Variants in BCL7C observed in about 807,000 individuals in gnomAD.
BCL7C encodes the protein B-cell CLL/lymphoma 7 protein family member C.
A neutral mutation model predicts 26.2 loss-of-function variants in BCL7C; 8 were observed. The ratio of observed to expected loss-of-function variants is 0.30; its 90% CI spans 0.18 to 0.55. The LOEUF (loss-of-function observed/expected upper bound fraction) is 0.55, where lower values mean the gene tolerates loss of function less well. Among genes scored for constraint, BCL7C ranks in the 20% least tolerant of loss-of-function variants. The pLI is 0.93. For missense variants in BCL7C, 262 were observed against 298.5 expected (o/e 0.88, Z 0.90); for synonymous variants, 90 against 116.5 (o/e 0.77, Z 1.47).
At chr16:30,846,382 C>G (rs1439102248) in intron 5 of BCL7C, among the ~76,000 whole-genome samples, 2 of 151,480 alleles carry the variant, frequency 1.3e-5, no homozygotes, top group Non-Finnish European at 2.9e-5. Context: ...CCCACCAACA[C>G]GCCCGGCTAA....
chr16:30,851,124 A>C (rs2151363989), intron 5 of BCL7C: 1 of 253,518 alleles, frequency 3.9e-6, no homozygotes, highest in South Asian at 4.7e-5. Flanking sequence ...CATTTTCTGC[A>C]TCCTACTGGT....
chr16:30,872,237 C>A (rs1336125270), intron 5 of BCL7C, among the ~76,000 whole-genome samples: 2 of 152,008 alleles, frequency 1.3e-5, no homozygotes, highest in African/African-American at 4.8e-5. Context: ...ATGGTGAATA[C>A]CCTGCGGCTG....
At chr16:30,864,716 G>T (rs573330054) in intron 5 of BCL7C, among the ~76,000 whole-genome samples, 1 of 152,100 alleles carries the variant, frequency 6.6e-6, no homozygotes, top group Non-Finnish European at 1.5e-5. Context: ...TGACCTGCAC[G>T]TATACATCCA....
chr16:30,835,437 C>G (rs1309418558), intron 5 of BCL7C, among the ~76,000 whole-genome samples: 1 of 152,188 alleles, frequency 6.6e-6, no homozygotes, highest in East Asian at 1.9e-4. Context: ...CTGTTAAGCT[C>G]TAAGACGGAG....
At chr16:30,849,817 C>T (rs1402677238) in intron 5 of BCL7C, among the ~76,000 whole-genome samples, 2 of 150,520 alleles carry the variant, frequency 1.3e-5, no homozygotes, top group Non-Finnish European at 3.0e-5. Flanking sequence ...ATGAATGGTA[C>T]GATCGCAGCT....
chr16:30,836,767 G>A (rs957381437), intron 5 of BCL7C, among the ~76,000 whole-genome samples: 16 of 150,372 alleles, frequency 1.1e-4, no homozygotes, highest in Non-Finnish European at 1.9e-4. Flanking sequence ...TGAGCCACTC[G>A]CCTGGCCAAG....
intron 5 of BCL7C, among the ~76,000 whole-genome samples, chr16:30,866,030 C>A (rs118176746): frequency 6.6e-6 from 1 of 151,842 alleles, no homozygotes; most frequent in East Asian, 1.9e-4. Flanking sequence ...CCACCTCGCC[C>A]GGCCATATGG....
chr16:30,881,392 T>TCACACACA lies in BCL7C; in HGVS notation c.528+7460_528+7467dup, dbSNP rs72155482. Among the ~76,000 whole-genome samples the TCACACACA allele has an allele frequency of 0.019, 2,770 of 144,192 alleles. 156 individuals carry two copies. In the South Asian group the frequency reaches 0.22, roughly 11 times the overall value. The allele number at this position is 144,192 out of a possible 152,430, so 94.6% of individuals were successfully genotyped here. A position where few individuals can be genotyped will look rare whatever the true frequency, so the allele number is the denominator to read the frequency against. ...GCCTGGGTGACAGAGTGAGACTCCG[T>TCACACACA]CACACACACACACACACACACACAC... On this transcript the variant is annotated intron_variant, in intron 5 of 5. Transcript: ENST00000380317.
downstream of BCL7C, among the ~76,000 whole-genome samples, chr16:30,884,365 C>A (rs2055093356): frequency 6.6e-6 from 1 of 151,996 alleles, no homozygotes; most frequent in South Asian, 2.1e-4. Flanking sequence ...GGCAATAGGA[C>A]AAAACCTGCC....
chr16:30,892,689 G>C lies in BCL7C; in HGVS notation c.339C>G (p.Pro113=). 1.2e-6 allele frequency: 2 copies of C among 1,614,114 alleles called. No individual in the cohort carries two copies. The highest frequency in any genetic ancestry group is 1.7e-6 in the Non-Finnish European group (2 of 1,179,996). The part of the protein sequence containing the change: ...SEGSLQKGTE[P]SPGGTPQPSR... ...TGGGCTGGGGGGTGCCCCCAGGACT[G>C]GGCTCTGTGCCCTTTTGCAGGGAAC... The change falls in exon 4 of 6, where the codon CCC becomes CCG. Residue 113 remains proline, a synonymous_variant. Transcript: ENST00000215115.
chr16:30,888,982 C>G (rs1345896638), intron 4 of BCL7C, 37 bp from the exon 5 acceptor site: 1 of 1,591,690 alleles, frequency 6.3e-7, no homozygotes, highest in Non-Finnish European at 8.6e-7. Context: ...CCTGAACAGC[C>G]ACTCTGTGCC....
chr16:30,866,575 GAA>G (rs112768509), intron 5 of BCL7C, among the ~76,000 whole-genome samples: 2 of 84,034 alleles, frequency 2.4e-5, no homozygotes, highest in Non-Finnish European at 4.7e-5. Flanking sequence ...AGACTGTCTG[GAA>G]AAAAAAAAAA....
chr16:30,857,519 G>A (rs1393518304), intron 5 of BCL7C, among the ~76,000 whole-genome samples: 1 of 152,080 alleles, frequency 6.6e-6, no homozygotes, highest in African/African-American at 2.4e-5. Context: ...CCCCTCTAAT[G>A]GCTGCTAGGC....
intron 5 of BCL7C, among the ~76,000 whole-genome samples, chr16:30,860,756 T>C (rs1180253233): frequency 6.6e-6 from 1 of 152,092 alleles, no homozygotes; most frequent in Non-Finnish European, 1.5e-5. Context: ...AAATCTTTCC[T>C]CTTTCTCTCC....
intron 5 of BCL7C, among the ~76,000 whole-genome samples, chr16:30,871,296 C>T (rs1315845124): frequency 2.6e-5 from 4 of 152,168 alleles, no homozygotes; most frequent in African/African-American, 7.2e-5. Flanking sequence ...AGGGTACACA[C>T]TCTGAAGTCA....
At chr16:30,846,283 T>G (rs2054634966) in intron 5 of BCL7C, among the ~76,000 whole-genome samples, 1 of 150,534 alleles carries the variant, frequency 6.6e-6, no homozygotes, top group Non-Finnish European at 1.5e-5. Flanking sequence ...TGGAGTGCAG[T>G]GGCGCGATCT....
chr16:30,891,606 C>A (rs1317875595), intron 4 of BCL7C, among the ~76,000 whole-genome samples: 1 of 152,100 alleles, frequency 6.6e-6, no homozygotes, highest in East Asian at 1.9e-4. Context: ...TATTTATTCA[C>A]TCAACAGATA....
chr16:30,889,131 G>C (rs532329634), intron 4 of BCL7C, among the ~76,000 whole-genome samples, 186 bp from the exon 5 acceptor site: 1 of 152,178 alleles, frequency 6.6e-6, no homozygotes, highest in Non-Finnish European at 1.5e-5. Flanking sequence ...GTGGGAGCTC[G>C]AGGGTGATGC....
intron 5 of BCL7C, among the ~76,000 whole-genome samples, chr16:30,881,609 A>G (rs2055045137): frequency 6.6e-6 from 1 of 152,036 alleles, no homozygotes; most frequent in Non-Finnish European, 1.5e-5. Flanking sequence ...TCATTCTCCC[A>G]GTGTGAAGGA....
Sources: gnomAD v4.1 joint callset for allele counts (sites outside exome capture counted in the v4.1 genomes callset) on GRCh38, gnomAD v4.1.1 for gene constraint, MANE v1.5 for transcripts, NCBI Gene and HGNC (gene_info 2026-07-23, HGNC 2026-07-21) for gene names.